Variants in SYNPO2 observed in about 807,000 individuals in gnomAD.
The protein encoded by SYNPO2 is synaptopodin 2.
SYNPO2 carries 56 observed loss-of-function variants against 85.0 expected under a neutral mutation model. That is an observed-to-expected ratio of 0.66 (90% CI 0.53 to 0.82). SYNPO2 has a LOEUF of 0.82. Ranked by LOEUF, SYNPO2 falls within the 40% of genes least tolerant of loss-of-function variation. The probability of loss-of-function intolerance (pLI) is 0.00; values close to 1 mark genes in which losing one functional copy is unlikely to be tolerated. For synonymous variants in SYNPO2, 602 were observed against 591.1 expected, an observed-to-expected ratio of 1.02 and a Z score of -0.27; for missense variants, 1,575 against 1,534.2, an observed-to-expected ratio of 1.03 and a Z score of -0.44.
At chr4:119,038,347 A>C in intron 4 of SYNPO2, 1 of 979,138 alleles carries the variant, frequency 1.0e-6, no homozygotes, top group Non-Finnish European at 1.2e-6. Context: ...CATCTCTGAG[A>C]AAGAAGCATC....
At chr4:118,930,684 G>T (rs2149132896) in intron 1 of SYNPO2, among the ~76,000 whole-genome samples, 1 of 150,680 alleles carries the variant, frequency 6.6e-6, no homozygotes, top group East Asian at 2.0e-4. Flanking sequence ...GGAGCCCAAA[G>T]TGGAAGGATT....
At chr4:119,001,575 G>A (rs1208398444) in intron 1 of SYNPO2, among the ~76,000 whole-genome samples, 1 of 152,090 alleles carries the variant, frequency 6.6e-6, no homozygotes, top group Non-Finnish European at 1.5e-5. Flanking sequence ...CCAGTATACC[G>A]GGAAGCCAAA....
intron 1 of SYNPO2, among the ~76,000 whole-genome samples, chr4:118,930,682 A>G (rs1733897789): frequency 6.6e-6 from 1 of 151,474 alleles, no homozygotes; most frequent in Non-Finnish European, 1.5e-5. Context: ...TGGGAGCCCA[A>G]AGTGGAAGGA....
intron 1 of SYNPO2, among the ~76,000 whole-genome samples, chr4:118,856,368 T>A (rs186354554): frequency 1.1e-4 from 17 of 152,292 alleles, no homozygotes; most frequent in Non-Finnish European, 4.4e-5. Context: ...TTGAGATACA[T>A]ACAGATTTAT....
intron 1 of SYNPO2, among the ~76,000 whole-genome samples, chr4:118,939,502 G>A (rs1578568336): frequency 6.6e-6 from 1 of 152,272 alleles, no homozygotes; most frequent in South Asian, 2.1e-4. Context: ...AGCTTTGTAG[G>A]CTTTTGTAAG....
chr4:118,918,873 A>G (rs1733442262), intron 1 of SYNPO2, among the ~76,000 whole-genome samples: 1 of 152,202 alleles, frequency 6.6e-6, no homozygotes, highest in Non-Finnish European at 1.5e-5. Flanking sequence ...AGGTAATGCA[A>G]TGACTATTTT....
chr4:119,002,350 T>A (rs1443179997), intron 1 of SYNPO2, among the ~76,000 whole-genome samples: 4 of 152,112 alleles, frequency 2.6e-5, no homozygotes, highest in African/African-American at 9.7e-5. Context: ...AACCTCTGCC[T>A]CCCCAGTTCA....
chr4:118,989,292 A>G (rs1189915494), intron 1 of SYNPO2, among the ~76,000 whole-genome samples: 1 of 152,180 alleles, frequency 6.6e-6, no homozygotes, highest in African/African-American at 2.4e-5. Flanking sequence ...GGAGGTGTTC[A>G]TCTTCTGGGG....
chr4:119,007,435 T>A (rs1188376575), intron 1 of SYNPO2, among the ~76,000 whole-genome samples: 4 of 149,484 alleles, frequency 2.7e-5, no homozygotes, highest in African/African-American at 9.8e-5. Context: ...TAAAACAAAA[T>A]GATCGGATAG....
At chr4:118,898,670 G>A (rs1013089234) in intron 1 of SYNPO2, among the ~76,000 whole-genome samples, 14 of 152,162 alleles carry the variant, frequency 9.2e-5, no homozygotes, top group African/African-American at 2.7e-4. Context: ...CAGGACAGAA[G>A]CCAGTTTGAT....
At chr4:118,899,085 G>A (rs1203887235) in intron 1 of SYNPO2, among the ~76,000 whole-genome samples, 1 of 152,202 alleles carries the variant, frequency 6.6e-6, no homozygotes, top group Non-Finnish European at 1.5e-5. Context: ...GAGCTCCCAC[G>A]TGCAGCCTGA....
At chr4:119,036,253 G>T in intron 4 of SYNPO2, 1 of 985,406 alleles carries the variant, frequency 1.0e-6, no homozygotes, top group Non-Finnish European at 1.2e-6. Context: ...GTCGTGGGGC[G>T]TGTGCTCATT....
At chr4:118,885,814 A>G (rs905755573), upstream of SYNPO2, among the ~76,000 whole-genome samples, 6 of 152,210 alleles carry the variant, frequency 3.9e-5, no homozygotes, top group Non-Finnish European at 5.9e-5. Flanking sequence ...AATTGGTTGC[A>G]TGAGATAAGC....
intron 1 of SYNPO2, among the ~76,000 whole-genome samples, chr4:118,989,026 A>C (rs1736318479): frequency 6.6e-6 from 1 of 152,220 alleles, no homozygotes. Flanking sequence ...GTGGTCACAC[A>C]TAAAACAAGA....
intron 1 of SYNPO2, among the ~76,000 whole-genome samples, chr4:118,896,945 G>A (rs575795113): frequency 6.8e-6 from 1 of 147,110 alleles, no homozygotes; most frequent in South Asian, 2.2e-4. Flanking sequence ...GAAGCAGTGT[G>A]GGTGCTGGAT....
At position 119,058,034 on chromosome 4, in the gene SYNPO2, T is replaced by C; in HGVS notation, c.*100T>C. 1 of 1,337,418 alleles carries C rather than the reference T, an allele frequency of 7.5e-7. No homozygotes were observed. Among genetic ancestry groups the C allele is most frequent in the Non-Finnish European group, 1.0e-6 (1 of 990,144 alleles). The allele number at this position is 1,337,418 out of a possible 1,614,324, so 82.8% of individuals were successfully genotyped here. On this transcript the variant is annotated 3_prime_UTR_variant, in exon 5 of 5. Transcript: ENST00000307142. ...CTAATAGATTTAGATTCACTTTTGG[T>C]CTTGGCTTGTTCTCATAAGTCATTT...
At chr4:119,029,274 G>C (rs564508916) in intron 3 of SYNPO2, among the ~76,000 whole-genome samples, 94 of 152,208 alleles carry the variant, frequency 6.2e-4, no homozygotes, top group African/African-American at 2.2e-3. Flanking sequence ...TGAGTGGAAA[G>C]ATTTGGGGTG....
chr4:118,955,877 G>A (rs1734858383), intron 1 of SYNPO2, among the ~76,000 whole-genome samples: 1 of 152,048 alleles, frequency 6.6e-6, no homozygotes, highest in Non-Finnish European at 1.5e-5. Context: ...GAGAAATAAA[G>A]GATAACAAAA....
chr4:118,940,847 C>G (rs1371778690), intron 1 of SYNPO2, among the ~76,000 whole-genome samples: 1 of 152,152 alleles, frequency 6.6e-6, no homozygotes, highest in Non-Finnish European at 1.5e-5. Flanking sequence ...CCTGTCACCC[C>G]CATCTCGCTC....
Sources: allele counts gnomAD v4.1 joint callset (sites outside exome capture counted in the v4.1 genomes callset), GRCh38; gene constraint gnomAD v4.1.1; transcripts MANE v1.5; gene names NCBI Gene and HGNC (gene_info 2026-07-23, HGNC 2026-07-21).